CLIC5: variants seen among roughly 807,000 people sequenced by gnomAD.
The protein encoded by CLIC5 is CLIC family member 5.
In CLIC5, 20 loss-of-function variants were observed where a neutral mutation model predicts 24.7. That is an observed-to-expected ratio of 0.81 (90% CI 0.57 to 1.18). The LOEUF (loss-of-function observed/expected upper bound fraction) is 1.18. Among genes scored for constraint, CLIC5 ranks in the 50% most tolerant of loss-of-function variants. CLIC5 has a pLI of 0.00. For synonymous variants in CLIC5, 159 were observed against 135.6 expected, an observed-to-expected ratio of 1.17 and a Z score of -1.20; for missense variants, 341 against 326.1, an observed-to-expected ratio of 1.05 and a Z score of -0.35.
chr6:45,964,183 T>C (rs369718465), intron 1 of CLIC5, among the ~76,000 whole-genome samples: 71 of 152,250 alleles, frequency 4.7e-4, no homozygotes, highest in African/African-American at 1.4e-3. Flanking sequence ...AACAGCTAAA[T>C]TCCATTGCAG....
chr6:45,970,962 T>C (rs1765181010), intron 1 of CLIC5, among the ~76,000 whole-genome samples: 1 of 152,210 alleles, frequency 6.6e-6, no homozygotes, highest in African/African-American at 2.4e-5. Context: ...ATGTAAATTC[T>C]CCACTTTATG....
chr6:45,913,741 C>T, intron 5 of CLIC5: 4 of 1,219,600 alleles, frequency 3.3e-6, no homozygotes, highest in Non-Finnish European at 4.1e-6. Context: ...ACCTCCACCT[C>T]TTCATTTGAT....
At chr6:45,912,871 G>A (rs1163617417) in intron 5 of CLIC5, 2 of 666,068 alleles carry the variant, frequency 3.0e-6, no homozygotes, top group South Asian at 1.6e-5. Flanking sequence ...TTTCTAAATA[G>A]GTTGTATTTG....
chr6:46,080,044 C>T, exon 1 of CLIC5: 4 of 1,551,654 alleles, frequency 2.6e-6, no homozygotes, highest in African/African-American at 1.4e-5. Context: ...CTGGTCTCTT[C>T]ACCCTTAATG....
chr6:45,958,196 T>C (rs547987536), intron 1 of CLIC5, among the ~76,000 whole-genome samples: 7 of 151,722 alleles, frequency 4.6e-5, no homozygotes, highest in African/African-American at 1.7e-4. Flanking sequence ...CATGTGAAGA[T>C]GAAGGCAATG....
rs148127525 is a variant in CLIC5 at position 45,929,871 on chromosome 6, C to T, written c.406+11676G>A. Among the ~76,000 whole-genome samples, 55 of 152,324 alleles carry T rather than the reference C, an allele frequency of 3.6e-4. 1 individual carries two copies. The East Asian group carries it at 9.3e-3, about 26-fold the overall frequency. On this transcript the variant is annotated intron_variant, in intron 4 of 5. Transcript: ENST00000339561. ...TTTCACATTCCTGCTGCTTTTTACACACGGCCTTAGCTTTCTCATCAGGCC... is the reference window on the plus strand; with the variant it reads ...TTTCACATTCCTGCTGCTTTTTACATACGGCCTTAGCTTTCTCATCAGGCC...
intron 3 of CLIC5, 41 bp downstream of exon 3, chr6:45,949,215 C>A (rs775895748): frequency 8.3e-5 from 133 of 1,598,256 alleles, no homozygotes; most frequent in Middle Eastern, 3.4e-4. Context: ...CCAGCATGAA[C>A]CCTTCCCATT....
upstream of CLIC5, among the ~76,000 whole-genome samples, chr6:46,083,973 T>C (rs1174852633): frequency 6.6e-6 from 1 of 152,202 alleles, no homozygotes; most frequent in Non-Finnish European, 1.5e-5. Flanking sequence ...ATTGGGTGCA[T>C]ATATATTTAG....
At chr6:46,066,331 A>G (rs927524291) in intron 1 of CLIC5, among the ~76,000 whole-genome samples, 4 of 152,114 alleles carry the variant, frequency 2.6e-5, no homozygotes, top group Admixed American at 2.6e-4. Flanking sequence ...CCCATTTACA[A>G]AATCACAGGA....
At chr6:45,909,421 T>C (rs1216344633) in intron 5 of CLIC5, among the ~76,000 whole-genome samples, 1 of 152,218 alleles carries the variant, frequency 6.6e-6, no homozygotes, top group East Asian at 1.9e-4. Context: ...GTATCATTCT[T>C]TTGTTTCCAT....
At chr6:45,978,809 G>A (rs1765471465) in intron 1 of CLIC5, among the ~76,000 whole-genome samples, 1 of 152,176 alleles carries the variant, frequency 6.6e-6, no homozygotes, top group Non-Finnish European at 1.5e-5. Context: ...CATTAGCCGG[G>A]CATGGTGGCA....
At chr6:45,890,905 G>A (rs1762342025) in intron 6 of CLIC5, among the ~76,000 whole-genome samples, 1 of 152,134 alleles carries the variant, frequency 6.6e-6, no homozygotes, top group South Asian at 2.1e-4. Flanking sequence ...GTGGTTACCA[G>A]AGGCTGGGGG....
chr6:46,049,981 T>G (rs1768059065), intron 1 of CLIC5, among the ~76,000 whole-genome samples: 1 of 152,200 alleles, frequency 6.6e-6, no homozygotes, highest in Non-Finnish European at 1.5e-5. Context: ...CATTTTTTTG[T>G]GTGGAGTATC....
chr6:45,941,391 G>C (rs1338130436), intron 4 of CLIC5, among the ~76,000 whole-genome samples, 156 bp downstream of exon 4: 1 of 67,838 alleles, frequency 1.5e-5, no homozygotes, highest in Non-Finnish European at 2.9e-5. Flanking sequence ...AGGGGGACAA[G>C]ATGGTGGTGG....
rs1276726746 is a variant in CLIC5, at chr6:46,080,072, A to T, written c.171T>A (p.Asp57Glu). Residue 57 changes from aspartate (D) to glutamate (E), a missense_variant, in exon 1 of 6, where the codon GAT (aspartate) becomes GAA (glutamate). By Grantham distance (45) the Asp-to-Glu change is conservative. Coordinates refer to the CLIC5 transcript ENST00000185206. ...CCTTAATGGTATAGACTGACACAAA[A>T]TCATACTCATGGGTATTCAGCTGAG... 1.9e-6 allele frequency: 3 copies of T among 1,551,630 alleles called. No homozygotes were observed. The Admixed American group carries it at 5.9e-5, about 30-fold the overall frequency.
At chr6:46,008,685 T>C (rs982156124) in intron 1 of CLIC5, among the ~76,000 whole-genome samples, 1 of 152,206 alleles carries the variant, frequency 6.6e-6, no homozygotes, top group Non-Finnish European at 1.5e-5. Context: ...TGCATTGCCA[T>C]TTAAAATTAT....
chr6:45,894,949 A>G (rs1214794177), downstream of CLIC5, among the ~76,000 whole-genome samples: 1 of 152,140 alleles, frequency 6.6e-6, no homozygotes, highest in Non-Finnish European at 1.5e-5. Context: ...AAACAGAAAA[A>G]TATATTTGGC....
At chr6:45,960,278 G>A (rs529649776) in intron 1 of CLIC5, among the ~76,000 whole-genome samples, 2 of 152,218 alleles carry the variant, frequency 1.3e-5, no homozygotes, top group African/African-American at 2.4e-5. Context: ...GATCCAAGAA[G>A]GAATTATAGA....
At chr6:46,108,635 T>G in the CLIC5 span, among the ~76,000 whole-genome samples, 1 of 152,084 alleles carries the variant, frequency 6.6e-6, no homozygotes, top group African/African-American at 2.4e-5. Context: ...CTGACTAAGG[T>G]GATCTACCAG....
Sources: gnomAD v4.1 joint callset for allele counts (sites outside exome capture counted in the v4.1 genomes callset) on GRCh38, gnomAD v4.1.1 for gene constraint, MANE v1.5 for transcripts, NCBI Gene and HGNC (gene_info 2026-07-23, HGNC 2026-07-21) for gene names.